Variants in OSCP1 observed in about 807,000 individuals in gnomAD.
The protein encoded by OSCP1 is organic solute carrier partner 1.
A neutral mutation model predicts 45.1 loss-of-function variants in OSCP1; 35 were observed. That is an observed-to-expected ratio of 0.78 (90% CI 0.59 to 1.03). The LOEUF is 1.03. Ranked by LOEUF, OSCP1 falls within the 50% of genes least tolerant of loss-of-function variation. The pLI, the probability that OSCP1 is intolerant of heterozygous loss-of-function variation, is 0.00. For synonymous variants in OSCP1, 179 were observed against 180.1 expected (o/e 0.99, Z 0.05); for missense variants, 400 against 470.7 (o/e 0.85, Z 1.39).
intron 6 of OSCP1, among the ~76,000 whole-genome samples, 161 bp downstream of exon 6, chr1:36,422,607 C>CT (rs1042526174): frequency 6.6e-6 from 1 of 151,936 alleles, no homozygotes; most frequent in African/African-American, 2.4e-5. Flanking sequence ...CCTGGGTGCC[C>CT]TTTGAAATGT....
Position 36,419,069 on chromosome 1 carries a change from A to C in OSCP1, c.960-15T>G. The C allele has an allele frequency of 1.2e-6, 2 of 1,604,066 alleles. No individual in the cohort carries two copies. The highest frequency in any genetic ancestry group is 1.7e-6 in the Non-Finnish European group (2 of 1,170,788). On this transcript the variant is annotated splice_polypyrimidine_tract_variant and intron_variant, in intron 8 of 9. Coordinates refer to ENST00000235532, the MANE Select transcript of OSCP1 (RefSeq NM_145047.5). ...GCGCTGCTTGTCTGGATGAGATGGT[A>C]AAGAAAATGGGTGCAACATTAGGGT...
At chr1:36,448,887 G>A (rs1557573269) in intron 1 of OSCP1, among the ~76,000 whole-genome samples, 1 of 152,226 alleles carries the variant, frequency 6.6e-6, no homozygotes, top group Non-Finnish European at 1.5e-5. Context: ...TAACCCAGAT[G>A]GCAGTGGAAA....
At position 36,448,066 on chromosome 1, in the gene OSCP1, A is replaced by G. The variant is rs533216360; in HGVS notation, c.112+2192T>C. Reference sequence around the variant, plus strand: ...ATACCTATTACTCATTGTGTTAAACATATTAAATACATTATTTCATTCAAT... The same window carrying G: ...ATACCTATTACTCATTGTGTTAAACGTATTAAATACATTATTTCATTCAAT... On this transcript the variant is annotated intron_variant, in intron 1 of 9. Transcript: ENST00000235532. Among the ~76,000 whole-genome samples the G allele has an allele frequency of 2.6e-5, 4 of 152,338 alleles. No homozygotes were observed. The South Asian group carries it at 8.3e-4, about 32-fold the overall frequency.
intron 4 of OSCP1, among the ~76,000 whole-genome samples, chr1:36,427,352 A>C (rs1648040321): frequency 7.2e-6 from 1 of 138,644 alleles, no homozygotes; most frequent in African/African-American, 2.8e-5. Flanking sequence ...ACTGGAGTAC[A>C]GTGAACATGA....
chr1:36,427,321 G>T (rs1259587036), intron 4 of OSCP1, among the ~76,000 whole-genome samples: 2 of 31,302 alleles, frequency 6.4e-5, no homozygotes, highest in South Asian at 1.4e-3. Context: ...TTTTGACACA[G>T]AGTCTTGCTC....
chr1:36,420,590 G>A lies in OSCP1; in HGVS notation c.845C>T (p.Ala282Val). 1 of 1,614,098 alleles carries A rather than the reference G, an allele frequency of 6.2e-7. No homozygotes were observed. Among genetic ancestry groups the A allele is most frequent in the Non-Finnish European group, 8.5e-7 (1 of 1,180,026 alleles). Residue 282 changes from alanine (A) to valine (V), a missense_variant, in exon 8 of 10, where the codon GCT (alanine) becomes GTT (valine). By Grantham distance (64) the Ala-to-Val change is moderately conservative (BLOSUM62 0). Coordinates refer to ENST00000235532, the MANE Select transcript of OSCP1 (RefSeq NM_145047.5). ...GGCCAAGAAATTCAGCTCTTCTTTA[G>A]CAAGAGGGTTTGGAGCAATGCTTTC... ...TQESIAPNPL[A>V]KEELNFLARL...
intron 2 of OSCP1, among the ~76,000 whole-genome samples, chr1:36,436,753 A>C (rs963742425): frequency 2.0e-5 from 3 of 152,168 alleles, no homozygotes; most frequent in Non-Finnish European, 4.4e-5. Flanking sequence ...TTTCCCCCTG[A>C]CATCCTATTT....
intron 4 of OSCP1, among the ~76,000 whole-genome samples, chr1:36,425,374 G>T (rs1647901552): frequency 6.6e-6 from 1 of 151,984 alleles, no homozygotes; most frequent in Admixed American, 6.6e-5. Flanking sequence ...GTAACCTGGG[G>T]GTAATAATAG....
At chr1:36,441,824 GT>G (rs1259761306) in intron 1 of OSCP1, among the ~76,000 whole-genome samples, 2 of 150,390 alleles carry the variant, frequency 1.3e-5, no homozygotes, top group African/African-American at 4.9e-5. Context: ...TGAAGAAATA[GT>G]TTTAATCAGA....
intron 5 of OSCP1, 56 bp downstream of exon 5, chr1:36,423,307 C>T: frequency 7.4e-7 from 1 of 1,346,176 alleles, no homozygotes; most frequent in Non-Finnish European, 1.1e-6. Context: ...GTGTGCGGCC[C>T]ATGTGCTGAT....
At chr1:36,418,712 T>C (rs1023166061) in intron 9 of OSCP1, 10 of 373,618 alleles carry the variant, frequency 2.7e-5, no homozygotes, top group Non-Finnish European at 3.8e-5. Context: ...AGGTCAGGAG[T>C]TTAAGACCAG....
chr1:36,444,105 A>AT (rs1649362441), intron 1 of OSCP1: 2 of 1,507,206 alleles, frequency 1.3e-6, no homozygotes, highest in Admixed American at 1.7e-5. Context: ...GGCTTTAAAC[A>AT]TACCAATTCC....
At chr1:36,435,739 T>G (rs1172228620) in intron 2 of OSCP1, among the ~76,000 whole-genome samples, 2 of 151,930 alleles carry the variant, frequency 1.3e-5, no homozygotes, top group Non-Finnish European at 2.9e-5. Flanking sequence ...TTCAAGCAAT[T>G]CTCCTGCCTC....
intron 4 of OSCP1, 25 bp from the exon 5 acceptor site, chr1:36,423,491 A>C (rs556933375): frequency 2.6e-6 from 4 of 1,545,882 alleles, no homozygotes; most frequent in Non-Finnish European, 3.6e-6. Context: ...ATTTATTGTC[A>C]TTTTTCTTGG....
At chr1:36,419,884 G>T (rs751843469) in intron 8 of OSCP1, among the ~76,000 whole-genome samples, 3 of 152,102 alleles carry the variant, frequency 2.0e-5, no homozygotes, top group Non-Finnish European at 2.9e-5. Context: ...CATGATCACA[G>T]CTTGCTTAAC....
intron 3 of OSCP1, among the ~76,000 whole-genome samples, 179 bp from the exon 4 acceptor site, chr1:36,432,061 G>A (rs574880199): frequency 6.6e-6 from 1 of 152,172 alleles, no homozygotes; most frequent in East Asian, 1.9e-4. Flanking sequence ...GACAAAGCCT[G>A]TTACCCCACA....
At chr1:36,430,446 C>T (rs1648285828) in intron 4 of OSCP1, among the ~76,000 whole-genome samples, 2 of 152,054 alleles carry the variant, frequency 1.3e-5, no homozygotes, top group African/African-American at 4.8e-5. Flanking sequence ...AGTATGAGGG[C>T]CTGAGCCAGG....
intron 1 of OSCP1, among the ~76,000 whole-genome samples, chr1:36,449,793 T>TG (rs2124062344): frequency 8.5e-6 from 1 of 118,304 alleles, no homozygotes; most frequent in African/African-American, 3.4e-5. Flanking sequence ...GCCGAGATCG[T>TG]GCCACACACT....
chr1:36,439,137 G>A (rs946924082), intron 1 of OSCP1: 8 of 426,280 alleles, frequency 1.9e-5, no homozygotes, highest in South Asian at 6.1e-5. Flanking sequence ...ATGAAGACAA[G>A]GCACTAATGT....
Sources: gnomAD v4.1 joint callset for allele counts (sites outside exome capture counted in the v4.1 genomes callset) on GRCh38, gnomAD v4.1.1 for gene constraint, MANE v1.5 for transcripts, NCBI Gene and HGNC (gene_info 2026-07-23, HGNC 2026-07-21) for gene names.